Variants in NTN1 observed in about 807,000 individuals in gnomAD.
NTN1 encodes netrin-1.
A neutral mutation model predicts 54.2 loss-of-function variants in NTN1; 11 were observed. That is an observed-to-expected ratio of 0.20 (90% confidence interval 0.13 to 0.34). The LOEUF (loss-of-function observed/expected upper bound fraction) is 0.34, where lower values mean the gene tolerates loss of function less well. Ranked by LOEUF, NTN1 falls within the 10% of genes least tolerant of loss-of-function variation. NTN1 has a pLI of 1.00. For synonymous variants in NTN1, 371 were observed against 382.0 expected (o/e 0.97, Z 0.33); for missense variants, 740 against 893.1 (o/e 0.83, Z 2.18).
At chr17:9,094,754 G>A (rs1379042268) in intron 2 of NTN1, among the ~76,000 whole-genome samples, 1 of 152,064 alleles carries the variant, frequency 6.6e-6, no homozygotes, top group African/African-American at 2.4e-5. Flanking sequence ...ACTTTGGAAG[G>A]CTGAGGCAGG....
intron 5 of NTN1, among the ~76,000 whole-genome samples, chr17:9,196,464 ACCT>A (rs1904637106): frequency 6.6e-6 from 1 of 151,914 alleles, no homozygotes; most frequent in African/African-American, 2.4e-5. Flanking sequence ...CCCCAGCCCC[ACCT>A]CCTGCTGAGC....
chr17:9,008,618 C>G, the NTN1 span, among the ~76,000 whole-genome samples: 1 of 152,190 alleles, frequency 6.6e-6, no homozygotes, highest in East Asian at 1.9e-4. Flanking sequence ...CCACTGTGCA[C>G]CCAGCAGTCT....
intron 2 of NTN1, among the ~76,000 whole-genome samples, chr17:9,154,085 C>T (rs1056515662): frequency 6.6e-6 from 1 of 152,256 alleles, no homozygotes; most frequent in Non-Finnish European, 1.5e-5. Context: ...TCGTGACTCC[C>T]TCTGGCTGGT....
intron 2 of NTN1, among the ~76,000 whole-genome samples, chr17:9,059,079 C>A (rs2091988211): frequency 6.6e-6 from 1 of 152,174 alleles, no homozygotes; most frequent in Non-Finnish European, 1.5e-5. Flanking sequence ...TAGAATAGCA[C>A]CTGGTACACA....
intron 2 of NTN1, among the ~76,000 whole-genome samples, chr17:9,074,921 C>G (rs1048473808): frequency 4.6e-5 from 7 of 152,260 alleles, no homozygotes; most frequent in Non-Finnish European, 1.0e-4. Flanking sequence ...GCCGTCCTCA[C>G]TCTGCGTTTC....
chr17:9,059,351 C>T (rs2091989030), intron 2 of NTN1, among the ~76,000 whole-genome samples: 2 of 152,140 alleles, frequency 1.3e-5, no homozygotes, highest in South Asian at 4.1e-4. Context: ...GGTATTCAGA[C>T]AACTACTTGT....
chr17:9,110,931 C>CTTTTT lies in NTN1; in HGVS notation c.1019-51865_1019-51861dup, dbSNP rs34319949. ...TTAGGGACCACCTTAAATTCAGGAT[C>CTTTTT]TTTTTTTTTTTTTTTTTTTTTGAGA... On this transcript the variant is annotated intron_variant, in intron 2 of 6. Transcript: ENST00000173229. Among the ~76,000 whole-genome samples, 16 of 104,350 alleles carry CTTTTT rather than the reference C, an allele frequency of 1.5e-4. 1 individual carries two copies. Among genetic ancestry groups the CTTTTT allele is most frequent in the African/African-American group, 2.0e-4 (5 of 24,708 alleles). The allele number at this position is 104,350 out of a possible 152,430, so 68.5% of individuals were successfully genotyped here.
At position 9,190,228 on chromosome 17, in the gene NTN1, A is replaced by G. The variant is rs144682401; in HGVS notation, c.1411+7259A>G. 3.0e-3 allele frequency among the ~76,000 whole-genome samples: 463 copies of G among 152,328 alleles called. 1 individual carries two copies. The highest frequency in any genetic ancestry group is 0.011 in the African/African-American group (440 of 41,572). ...GTACAGCACATATGTAAAGAAAAGA[A>G]CAAGACTTTTCCAAGGAACATGAAG... On this transcript the variant is annotated intron_variant, in intron 5 of 6. Transcript: ENST00000173229.
chr17:9,022,011 A>AG (rs1416902137), intron 1 of NTN1, among the ~76,000 whole-genome samples: 11 of 151,656 alleles, frequency 7.3e-5, no homozygotes, highest in Middle Eastern at 3.5e-3. Context: ...TTGGGGTGCG[A>AG]GGGGGGCTGG....
intron 2 of NTN1, among the ~76,000 whole-genome samples, chr17:9,036,061 A>G (rs866226539): frequency 2.8e-4 from 43 of 152,192 alleles, no homozygotes; most frequent in Middle Eastern, 3.4e-3. Flanking sequence ...GGGTCTCACT[A>G]TGTTACCCAG....
chr17:9,180,563 C>T (rs1358188407), intron 4 of NTN1, among the ~76,000 whole-genome samples: 1 of 152,232 alleles, frequency 6.6e-6, no homozygotes, highest in East Asian at 1.9e-4. Context: ...TCACTGTCCA[C>T]CTGGACCCTG....
intron 2 of NTN1, among the ~76,000 whole-genome samples, chr17:9,151,898 G>A (rs1333721928): frequency 6.6e-6 from 1 of 152,182 alleles, no homozygotes; most frequent in African/African-American, 2.4e-5. Context: ...ACACCAATCA[G>A]CACTCTGTAA....
At chr17:9,055,146 A>G (rs1361248498) in intron 2 of NTN1, among the ~76,000 whole-genome samples, 10 of 152,114 alleles carry the variant, frequency 6.6e-5, no homozygotes, top group African/African-American at 2.4e-4. Flanking sequence ...GTCCCATCTG[A>G]TCAGAGACAC....
intron 5 of NTN1, among the ~76,000 whole-genome samples, chr17:9,206,655 A>C (rs17742911): frequency 0.23 from 34,324 of 152,178 alleles, 4,070 homozygotes; most frequent in Non-Finnish European, 0.28. Flanking sequence ...CATCCTCAGG[A>C]GGTCACCCAG....
At chr17:9,056,208 C>T (rs2142203074) in intron 2 of NTN1, among the ~76,000 whole-genome samples, 1 of 152,316 alleles carries the variant, frequency 6.6e-6, no homozygotes, top group South Asian at 2.1e-4. Context: ...AGGCATGTGC[C>T]ACCACACCTG....
intron 2 of NTN1, among the ~76,000 whole-genome samples, chr17:9,139,666 T>C (rs1363199812): frequency 6.6e-6 from 1 of 152,196 alleles, no homozygotes; most frequent in Non-Finnish European, 1.5e-5. Flanking sequence ...ATCACCCTCG[T>C]CCTCAGGGAC....
At chr17:9,146,613 G>A (rs2092314076) in intron 2 of NTN1, among the ~76,000 whole-genome samples, 2 of 140,012 alleles carry the variant, frequency 1.4e-5, no homozygotes, top group Non-Finnish European at 3.0e-5. Context: ...CACCCTGGGG[G>A]TCTTTAGACA....
intron 2 of NTN1, among the ~76,000 whole-genome samples, chr17:9,099,142 G>A (rs568866874): frequency 9.1e-4 from 139 of 152,362 alleles, no homozygotes; most frequent in African/African-American, 3.1e-3. Context: ...AGTGGCGCAC[G>A]CTTGTGATCC....
intron 2 of NTN1, among the ~76,000 whole-genome samples, chr17:9,046,986 T>C (rs1284393003): frequency 6.6e-6 from 1 of 152,222 alleles, no homozygotes; most frequent in African/African-American, 2.4e-5. Context: ...CCAGTGCATA[T>C]AAAAGTTATG....
Sources: allele counts gnomAD v4.1 joint callset (sites outside exome capture counted in the v4.1 genomes callset), GRCh38; gene constraint gnomAD v4.1.1; transcripts MANE v1.5; gene names NCBI Gene and HGNC (gene_info 2026-07-23, HGNC 2026-07-21).